Variants in SKIC2 observed in about 807,000 individuals in gnomAD.
SKIC2 encodes the protein SKI2 subunit of superkiller complex.
At chr6:31,966,848 T>G in the SKIC2 span, 1 of 1,613,884 alleles carries the variant, frequency 6.2e-7, no homozygotes, top group Non-Finnish European at 8.5e-7. The surrounding 1 kb of genome is among the most constrained non-coding windows in gnomAD (Gnocchi z 5.9). Context: ...GACAGCAAGG[T>G]AAGGAGCCTG....
At chr6:31,963,166 A>G in the SKIC2 span, 2 of 1,097,402 alleles carry the variant, frequency 1.8e-6, no homozygotes, top group South Asian at 1.3e-5. The surrounding 1 kb of genome is among the most constrained non-coding windows in gnomAD (Gnocchi z 5.3). Flanking sequence ...GACTAAGTCT[A>G]CCACAGCAAG....
chr6:31,961,050 C>T, the SKIC2 span: 2 of 1,611,588 alleles, frequency 1.2e-6, no homozygotes, highest in Non-Finnish European at 1.7e-6. Context: ...GATCTTCTTA[C>T]TATTCCACCT....
the SKIC2 span, chr6:31,967,157 T>C: frequency 6.2e-7 from 1 of 1,607,990 alleles, no homozygotes; most frequent in Non-Finnish European, 8.5e-7. This position sits in a 1 kb window ranked among gnomAD's most constrained non-coding sequence, Gnocchi z 4.9. Flanking sequence ...CAAGTGTGAG[T>C]GCTGAGGAGG....
At chr6:31,961,623 C>A in the SKIC2 span, 1 of 1,613,058 alleles carries the variant, frequency 6.2e-7, no homozygotes, top group Non-Finnish European at 8.5e-7. Context: ...CCTGTGGACG[C>A]CACCTCCCCT....
the SKIC2 span, chr6:31,959,556 C>T: frequency 1.6e-6 from 1 of 635,800 alleles, no homozygotes; most frequent in Non-Finnish European, 2.8e-6. Context: ...CCCAGTGTAC[C>T]TGCAGTACAT....
chr6:31,969,103 C>A, the SKIC2 span: 1 of 1,603,592 alleles, frequency 6.2e-7, no homozygotes. This position sits in a 1 kb window ranked among gnomAD's most constrained non-coding sequence, Gnocchi z 6.1. Context: ...GGGGACACCA[C>A]CCCTTTCTCC....
the SKIC2 span, chr6:31,961,606 G>A: frequency 6.2e-7 from 1 of 1,613,030 alleles, no homozygotes; most frequent in East Asian, 2.2e-5. Context: ...AGGAGCAGTG[G>A]GCCATCCCTG....
the SKIC2 span, chr6:31,967,072 C>G: frequency 1.2e-6 from 2 of 1,612,902 alleles, no homozygotes; most frequent in Non-Finnish European, 1.7e-6. The surrounding 1 kb of genome is among the most constrained non-coding windows in gnomAD (Gnocchi z 4.9). Context: ...ACATGACTGG[C>G]CAACTGGTCG....
At chr6:31,959,894 C>G in the SKIC2 span, 1 of 765,430 alleles carries the variant, frequency 1.3e-6, no homozygotes, top group Non-Finnish European at 2.2e-6. Flanking sequence ...GCCTGATTGT[C>G]CTAGTCTGTT....
chr6:31,963,423 C>T, the SKIC2 span: 68 of 1,568,484 alleles, frequency 4.3e-5, no homozygotes, highest in African/African-American at 5.5e-5. This position sits in a 1 kb window ranked among gnomAD's most constrained non-coding sequence, Gnocchi z 5.3. Context: ...GCGGCTGAAG[C>T]GTCGTCAGAT....
chr6:31,966,803 TGAA>T, the SKIC2 span: 2 of 1,614,188 alleles, frequency 1.2e-6, no homozygotes, highest in Non-Finnish European at 1.7e-6. The surrounding 1 kb of genome is among the most constrained non-coding windows in gnomAD (Gnocchi z 5.9). Flanking sequence ...GAGGACATGA[TGAA>T]GAGGAGCTTC....
chr6:31,962,460 C>T, the SKIC2 span: 3 of 1,614,158 alleles, frequency 1.9e-6, no homozygotes, highest in Non-Finnish European at 2.5e-6. This position sits in a 1 kb window ranked among gnomAD's most constrained non-coding sequence, Gnocchi z 5.0. Context: ...CTTCGCCCAT[C>T]AAGGCCCTGA....
At chr6:31,961,314 G>T in the SKIC2 span, 1 of 1,598,150 alleles carries the variant, frequency 6.3e-7, no homozygotes, top group Non-Finnish European at 8.5e-7. Flanking sequence ...GTCCCAGAGG[G>T]GACACTGTTT....
At chr6:31,963,663 A>C in the SKIC2 span, 1 of 1,554,818 alleles carries the variant, frequency 6.4e-7, no homozygotes. The surrounding 1 kb of genome is among the most constrained non-coding windows in gnomAD (Gnocchi z 5.3). Flanking sequence ...GAGGCCAAGA[A>C]GGAGAGAATG....
chr6:31,959,857 A>G, the SKIC2 span: 1 of 622,508 alleles, frequency 1.6e-6, no homozygotes, highest in African/African-American at 1.8e-5. Flanking sequence ...GCCCCAGGTA[A>G]TTCAGTAGCA....
the SKIC2 span, chr6:31,962,641 T>G: frequency 6.2e-7 from 1 of 1,608,302 alleles, no homozygotes; most frequent in Admixed American, 1.7e-5. This position sits in a 1 kb window ranked among gnomAD's most constrained non-coding sequence, Gnocchi z 5.0. Context: ...GTGGCCGTTG[T>G]GGAGAGTGTG....
At chr6:31,962,519 T>A in the SKIC2 span, 2 of 1,614,126 alleles carry the variant, frequency 1.2e-6, no homozygotes, top group East Asian at 4.5e-5. The surrounding 1 kb of genome is among the most constrained non-coding windows in gnomAD (Gnocchi z 5.0). Flanking sequence ...GATGTGGGGC[T>A]GCTCACCGGG....
At chr6:31,965,913 C>G in the SKIC2 span, 1 of 1,613,028 alleles carries the variant, frequency 6.2e-7, no homozygotes, top group African/African-American at 1.3e-5. This position sits in a 1 kb window ranked among gnomAD's most constrained non-coding sequence, Gnocchi z 5.6. Context: ...GTGCAGATGG[C>G]AGGCCGGGCA....
At chr6:31,968,992 G>C in the SKIC2 span, 1 of 1,612,914 alleles carries the variant, frequency 6.2e-7, no homozygotes, top group Non-Finnish European at 8.5e-7. The surrounding 1 kb of genome is among the most constrained non-coding windows in gnomAD (Gnocchi z 6.1). Flanking sequence ...AATGCACTGA[G>C]CACCCTGCGG....
Sources: gnomAD v4.1 joint callset for allele counts on GRCh38, gnomAD v4.1.1 for gene constraint, Gnocchi (gnomAD v3.1) non-coding constraint, MANE v1.5 for transcripts, NCBI Gene and HGNC (gene_info 2026-07-23, HGNC 2026-07-21) for gene names.